DLG2: variants seen among roughly 807,000 people sequenced by gnomAD.
DLG2 encodes the protein disks large homolog 2.
A neutral mutation model predicts 132.5 loss-of-function variants in DLG2; 45 were observed. The observed-to-expected ratio is 0.34, with a 90% CI of 0.27 to 0.44. The LOEUF (loss-of-function observed/expected upper bound fraction) is 0.44. Among genes scored for constraint, DLG2 ranks in the 20% least tolerant of loss-of-function variants. The probability of loss-of-function intolerance (pLI) is 1.00; values close to 1 mark genes in which losing one functional copy is unlikely to be tolerated. For synonymous variants in DLG2, 424 were observed against 419.6 expected (o/e 1.01, Z -0.13); for missense variants, 1,045 against 1,196.9 (o/e 0.87, Z 1.87).
At chr11:84,642,544 T>A (rs937871866) in intron 6 of DLG2, among the ~76,000 whole-genome samples, 6 of 152,152 alleles carry the variant, frequency 3.9e-5, no homozygotes, top group African/African-American at 1.4e-4. Context: ...GGGTATATAA[T>A]GGGAAACAAT....
Position 83,941,258 on chromosome 11 carries a change from T to G in DLG2, c.1341-10775A>C, listed in dbSNP as rs970612949. 7.6e-5 allele frequency among the ~76,000 whole-genome samples: 11 copies of G among 145,300 alleles called. No individual in the cohort carries two copies. The East Asian group carries it at 2.1e-3, about 28-fold the overall frequency. Reference sequence around the variant, plus strand: ...TTGGCAATCTGCCAGCCCCATCACCTTGCAAGTTCCCATGCATTGCTAGTA... The same window carrying G: ...TTGGCAATCTGCCAGCCCCATCACCGTGCAAGTTCCCATGCATTGCTAGTA... On this transcript the variant is annotated intron_variant, in intron 14 of 27. Coordinates refer to ENST00000376104, the MANE Select transcript of DLG2 (RefSeq NM_001142699.3).
chr11:85,505,921 T>C (rs2093920540), intron 3 of DLG2, among the ~76,000 whole-genome samples: 1 of 152,208 alleles, frequency 6.6e-6, no homozygotes, highest in South Asian at 2.1e-4. Flanking sequence ...TATTCAGGGA[T>C]TTAACTTCTT....
chr11:83,614,806 C>T (rs1487625909), intron 19 of DLG2, among the ~76,000 whole-genome samples: 1 of 152,194 alleles, frequency 6.6e-6, no homozygotes, highest in East Asian at 1.9e-4. Context: ...GGGTTCTGTG[C>T]TAGATCCTTA....
At chr11:84,316,948 C>G (rs770965361) in intron 7 of DLG2, 7 of 1,612,700 alleles carry the variant, frequency 4.3e-6, no homozygotes, top group Middle Eastern at 1.6e-4. Context: ...TGAAGCTGGA[C>G]CCCCCGGTCC....
chr11:84,223,843 A>C (rs1311069633), intron 8 of DLG2, among the ~76,000 whole-genome samples: 1 of 152,204 alleles, frequency 6.6e-6, no homozygotes, highest in East Asian at 1.9e-4. Flanking sequence ...GGCAGGAGCC[A>C]GTGCATCTGG....
intron 6 of DLG2, among the ~76,000 whole-genome samples, chr11:84,848,610 G>A (rs977062141): frequency 2.6e-5 from 4 of 152,290 alleles, no homozygotes; most frequent in Middle Eastern, 3.4e-3. Flanking sequence ...ATTTTACGAT[G>A]GGTATGTGGG....
chr11:84,139,452 G>T (rs568074249), intron 9 of DLG2, among the ~76,000 whole-genome samples: 3 of 152,214 alleles, frequency 2.0e-5, no homozygotes, highest in African/African-American at 7.2e-5. Context: ...AGAGATTGAC[G>T]CTGGTTTCTC....
intron 8 of DLG2, among the ~76,000 whole-genome samples, chr11:84,187,658 C>T (rs534531616): frequency 6.6e-6 from 1 of 152,028 alleles, no homozygotes; most frequent in African/African-American, 2.4e-5. Flanking sequence ...GTATTGTCAT[C>T]AGCAAAATCT....
Position 83,965,244 on chromosome 11 carries a change from T to C in DLG2, c.1201+80A>G, listed in dbSNP as rs1274558380. 3.5e-6 allele frequency: 5 copies of C among 1,433,376 alleles called. No homozygotes were observed. The Admixed American group carries it at 1.1e-4, about 30-fold the overall frequency. The allele number at this position is 1,433,376 out of a possible 1,614,324, so 88.8% of individuals were successfully genotyped here. On this transcript the variant is annotated intron_variant, in intron 13 of 27. Coordinates refer to ENST00000376104, the MANE Select transcript of DLG2 (RefSeq NM_001142699.3). ...AGTTAACCAAGAGGGAAGGTACAAGTAGAACACTTTGTCAACAGTTTTATA... is the reference window on the plus strand; with the variant it reads ...AGTTAACCAAGAGGGAAGGTACAAGCAGAACACTTTGTCAACAGTTTTATA...
chr11:84,977,738 T>G (rs1263260418), intron 6 of DLG2, among the ~76,000 whole-genome samples: 11 of 152,208 alleles, frequency 7.2e-5, no homozygotes, highest in Non-Finnish European at 1.5e-4. Flanking sequence ...TATTTTCCTA[T>G]TAACACAGGT....
At chr11:83,844,072 T>C (rs931711947) in intron 16 of DLG2, among the ~76,000 whole-genome samples, 1 of 152,126 alleles carries the variant, frequency 6.6e-6, no homozygotes, top group Non-Finnish European at 1.5e-5. Context: ...CTAGATTTGA[T>C]GGCTGCATGA....
At chr11:83,615,338 C>T (rs2060646461) in intron 19 of DLG2, among the ~76,000 whole-genome samples, 1 of 152,168 alleles carries the variant, frequency 6.6e-6, no homozygotes, top group Non-Finnish European at 1.5e-5. Flanking sequence ...TGCAACAACG[C>T]TTTATTAAAA....
intron 6 of DLG2, among the ~76,000 whole-genome samples, chr11:85,046,890 C>T (rs762522469): frequency 2.1e-4 from 32 of 151,646 alleles, no homozygotes; most frequent in Non-Finnish European, 3.8e-4. Context: ...AGTCACAATG[C>T]GTCTTGGCAT....
At chr11:84,363,079 C>G (rs1471287346) in intron 7 of DLG2, among the ~76,000 whole-genome samples, 2 of 149,534 alleles carry the variant, frequency 1.3e-5, no homozygotes, top group African/African-American at 4.9e-5. Flanking sequence ...CCTGAGGAAT[C>G]GCCACACTGA....
chr11:83,648,540 G>A (rs1319096838), intron 18 of DLG2, among the ~76,000 whole-genome samples: 1 of 152,084 alleles, frequency 6.6e-6, no homozygotes, highest in Non-Finnish European at 1.5e-5. Context: ...AAAACCTCTG[G>A]CTTTTGAATT....
chr11:83,740,512 C>T (rs2092418711), intron 18 of DLG2, among the ~76,000 whole-genome samples: 1 of 152,162 alleles, frequency 6.6e-6, no homozygotes, highest in Non-Finnish European at 1.5e-5. Context: ...GGAGGCAGTA[C>T]TTCTGGGAGA....
intron 3 of DLG2, among the ~76,000 whole-genome samples, chr11:85,434,402 A>T (rs2091362749): frequency 6.6e-6 from 1 of 150,482 alleles, no homozygotes; most frequent in East Asian, 1.9e-4. Context: ...TTTTGAAAAA[A>T]TTTTAAAAAA....
rs534818534 is a variant in DLG2 at position 84,386,895 on chromosome 11, G to A, written c.520-135604C>T. Among the ~76,000 whole-genome samples the A allele has an allele frequency of 2.4e-4, 36 of 152,072 alleles. 1 individual carries two copies. In the South Asian group the frequency reaches 6.7e-3, roughly 28 times the overall value. On this transcript the variant is annotated intron_variant, in intron 7 of 27. Coordinates refer to ENST00000376104, the MANE Select transcript of DLG2 (RefSeq NM_001142699.3). ...CCAGCCTTCCTAGAGTTTTTCCTAC[G>A]CTATTTGCCTTTATTGCCTTTATTG...
At chr11:84,521,561 C>A (rs528667151) in intron 7 of DLG2, among the ~76,000 whole-genome samples, 7 of 152,134 alleles carry the variant, frequency 4.6e-5, no homozygotes, top group African/African-American at 1.7e-4. Flanking sequence ...TTGGATATTG[C>A]GTTATCTGAT....
Sources: allele counts gnomAD v4.1 joint callset (sites outside exome capture counted in the v4.1 genomes callset), GRCh38; gene constraint gnomAD v4.1.1; transcripts MANE v1.5; gene names NCBI Gene and HGNC (gene_info 2026-07-23, HGNC 2026-07-21).